SRCAP: variants seen among roughly 807,000 people sequenced by gnomAD.
The protein encoded by SRCAP is chromatin remodeling protein SRCAP.
Under a neutral mutation model 263.1 loss-of-function variants are expected in SRCAP, and 46 were observed. That is an observed-to-expected ratio of 0.17 (90% CI 0.14 to 0.22). The LOEUF is 0.22. SRCAP is among the 10% of genes least tolerant of loss of function. SRCAP has a pLI of 1.00. For missense variants in SRCAP, 3,695 were observed against 4,181.9 expected (o/e 0.88, Z 3.21); for synonymous variants, 1,813 against 1,662.1 (o/e 1.09, Z -2.21).
At position 30,722,631 on chromosome 16, in the gene SRCAP, C is replaced by T. The variant is rs763083399; in HGVS notation, c.3775C>T (p.Leu1259Phe). The T allele has an allele frequency of 6.2e-6, 10 of 1,613,998 alleles. No homozygotes were observed. The highest frequency in any genetic ancestry group is 7.6e-6 in the Non-Finnish European group (9 of 1,180,030). Residue 1259 changes from leucine (L) to phenylalanine (F), a missense_variant, in exon 23 of 34, where the codon CTC (leucine) becomes TTC (phenylalanine). This residue lies in a region of SRCAP where 1,347 missense variants were observed against 1,304.4 expected (regional missense o/e 1.03). Transcript: ENST00000262518. ...HLISQPAHVA[L>F]IQAVAPTPGP... Reference sequence around the variant, plus strand: ...CATCAGCCAGCCTGCCCATGTGGCCCTCATCCAGGCCGTGGCCCCGACCCC... The same window carrying T: ...CATCAGCCAGCCTGCCCATGTGGCCTTCATCCAGGCCGTGGCCCCGACCCC...
intron 4 of SRCAP, among the ~76,000 whole-genome samples, chr16:30,705,329 C>T (rs898161810): frequency 6.6e-6 from 1 of 152,172 alleles, no homozygotes; most frequent in Non-Finnish European, 1.5e-5. Context: ...GTACCTCTCA[C>T]CCACCGACCC....
chr16:30,734,100 T>A, intron 30 of SRCAP, 92 bp downstream of exon 30: 5 of 1,192,018 alleles, frequency 4.2e-6, no homozygotes, highest in Non-Finnish European at 5.9e-6. Context: ...CTTTGGACTT[T>A]GGGAGGCTGA....
chr16:30,724,205 A>G lies in SRCAP; in HGVS notation c.4781A>G (p.Gln1594Arg). ...CCTCTGGCTCCTATGGCGGCTCCAC[A>G]GACAGCAATTCTGGCTCCTTCTCCA... Reference protein sequence around the residue: ...ATPLAPMAAPQTAILAPSPAP... With the variant: ...ATPLAPMAAPRTAILAPSPAP... The change falls in exon 25 of 34, where the codon CAG becomes CGG. Residue 1594 changes from glutamine (Q) to arginine (R), a missense_variant. By Grantham distance (43) the Gln-to-Arg change is conservative (BLOSUM62 1). This residue lies in a region of SRCAP where 1,347 missense variants were observed against 1,304.4 expected (regional missense o/e 1.03). Transcript: ENST00000262518. The G allele has an allele frequency of 6.2e-7, 1 of 1,613,704 alleles. No individual in the cohort carries two copies. Among genetic ancestry groups the G allele is most frequent in the Non-Finnish European group, 8.5e-7 (1 of 1,179,894 alleles).
chr16:30,710,073 A>G lies in SRCAP; in HGVS notation c.1079A>G (p.Asp360Gly). ...PSQTPSSHDS[D>G]TRDGPEEGAE... ...CAAACCCCCTCATCTCATGATAGTGACACCCGAGATGGGCCTGAAGAAGGT... is the reference window on the plus strand; with the variant it reads ...CAAACCCCCTCATCTCATGATAGTGGCACCCGAGATGGGCCTGAAGAAGGT... Residue 360 changes from aspartate to glycine, a missense_variant, in exon 8 of 34, where the codon GAC (aspartate) becomes GGC (glycine). This residue lies in a region of SRCAP where 288 missense variants were observed against 302.4 expected (regional missense o/e 0.95). Coordinates refer to ENST00000262518, the MANE Select transcript of SRCAP (RefSeq NM_006662.3). The G allele has an allele frequency of 6.2e-7, 1 of 1,613,998 alleles. No homozygotes were observed. Among genetic ancestry groups the G allele is most frequent in the Non-Finnish European group, 8.5e-7 (1 of 1,180,012 alleles).
At position 30,724,770 on chromosome 16, in the gene SRCAP, A is replaced by G. The variant is rs759181424; in HGVS notation, c.5346A>G (p.Pro1782=). ...PASSSASLLA[P]ASVQTLTLSP... ...CGTCATCTGCTTCACTCCTGGCCCC[A>G]GCTTCAGTGCAGACACTGACCTTGA... Residue 1782 remains proline, a synonymous_variant, in exon 25 of 34, where the codon CCA becomes CCG. Transcript: ENST00000262518. 6.2e-7 allele frequency: 1 copy of G among 1,613,650 alleles called. No homozygotes were observed. The highest frequency in any genetic ancestry group is 8.5e-7 in the Non-Finnish European group (1 of 1,179,798).
chr16:30,707,086 A>C, intron 4 of SRCAP, 97 bp from the exon 5 acceptor site: 1 of 1,255,614 alleles, frequency 8.0e-7, no homozygotes, highest in East Asian at 2.4e-5. Context: ...ACATAAGCAT[A>C]ACACACTCAG....
rs777915633 is a variant in SRCAP, at chr16:30,724,064, C to T, written c.4640C>T (p.Pro1547Leu). 1.9e-6 allele frequency: 3 copies of T among 1,613,746 alleles called. No individual in the cohort carries two copies. In the South Asian group the frequency reaches 3.3e-5, roughly 18 times the overall value. The part of the protein sequence containing the change: ...LNSTVAPACS[P>L]VLVPASALAS... ...TCAACCGTGGCCCCAGCATGCTCAC[C>T]TGTCCTGGTGCCAGCTTCGGCTCTG... Residue 1547 changes from proline to leucine, a missense_variant, in exon 25 of 34, where the codon CCT (proline) becomes CTT (leucine). By Grantham distance (98) the Pro-to-Leu change is moderately conservative. This residue lies in a region of SRCAP where 1,347 missense variants were observed against 1,304.4 expected (regional missense o/e 1.03). Transcript: ENST00000262518.
intron 16 of SRCAP, among the ~76,000 whole-genome samples, chr16:30,713,931 T>G (rs2052917970): frequency 6.7e-6 from 1 of 150,188 alleles, no homozygotes; most frequent in African/African-American, 2.4e-5. Context: ...TGAGTCTTGC[T>G]TTGTCGCCCA....
chr16:30,699,343 C>T, intron 1 of SRCAP, 101 bp downstream of exon 1: 1 of 396,598 alleles, frequency 2.5e-6, no homozygotes, highest in Non-Finnish European at 4.4e-6. Context: ...CATTTCCGGG[C>T]CTCCTGCGGG....
intron 3 of SRCAP, among the ~76,000 whole-genome samples, chr16:30,702,034 A>G (rs2052772574): frequency 6.6e-6 from 1 of 150,688 alleles, no homozygotes; most frequent in African/African-American, 2.4e-5. Context: ...GCTCACTGCA[A>G]CCTCCGCCTC....
rs146844239 is a variant in SRCAP, at chr16:30,738,266, A to G, written c.8226A>G (p.Pro2742=). 95 of 1,609,976 alleles carry G rather than the reference A, an allele frequency of 5.9e-5. No individual in the cohort carries two copies. Among genetic ancestry groups the G allele is most frequent in the African/African-American group, 5.2e-4 (39 of 74,820 alleles). Residue 2742 remains proline (P), a synonymous_variant, in exon 34 of 34, where the codon CCA becomes CCG. Transcript: ENST00000262518. ...GQGTGRPGQP[P]GPKVLRKLPG... Reference sequence around the variant, plus strand: ...GGACTGGTCGGCCAGGACAACCACCAGGCCCCAAAGTGCTTCGAAAGCTGC... The same window carrying G: ...GGACTGGTCGGCCAGGACAACCACCGGGCCCCAAAGTGCTTCGAAAGCTGC...
rs761154109 is a variant in SRCAP, at chr16:30,710,981, C to G, written c.1229-18C>G. On this transcript the variant is annotated intron_variant, in intron 9 of 33. Transcript: ENST00000262518. ...CTAGCCTCTATCCCTATTAATCTTG[C>G]TTCTGTCTCTTTCCTAGCGGAGGAT... 1.9e-6 allele frequency: 3 copies of G among 1,610,984 alleles called. No homozygotes were observed. The South Asian group carries it at 3.3e-5, about 18-fold the overall frequency.
Position 30,740,061 on chromosome 16 carries a change from A to C in SRCAP, c.*328A>C. On this transcript the variant is annotated 3_prime_UTR_variant, in exon 34 of 34. Coordinates refer to ENST00000262518, the MANE Select transcript of SRCAP (RefSeq NM_006662.3). ...GGGGAAGGGGGAGGGGCTTCTCTAC[A>C]ATGAGGTTTTTTTCTTTTTTTTTTT... The C allele has an allele frequency of 4.4e-6, 1 of 227,162 alleles. No individual in the cohort carries two copies. Among genetic ancestry groups the C allele is most frequent in the Non-Finnish European group, 8.3e-6 (1 of 120,064 alleles). 14.1% of individuals were successfully genotyped at this position (227,162 alleles called of 1,614,324 possible).
intron 27 of SRCAP, among the ~76,000 whole-genome samples, chr16:30,730,885 G>A (rs991102758): frequency 6.6e-6 from 1 of 152,052 alleles, no homozygotes; most frequent in Admixed American, 6.6e-5. Flanking sequence ...GGCCAGGCTG[G>A]TCTCGAACTC....
At position 30,737,415 on chromosome 16, in the gene SRCAP, C is replaced by G. The variant is rs763910742; in HGVS notation, c.7375C>G (p.Pro2459Ala). 1 of 1,606,278 alleles carries G rather than the reference C, an allele frequency of 6.2e-7. No individual in the cohort carries two copies. The highest frequency in any genetic ancestry group is 8.5e-7 in the Non-Finnish European group (1 of 1,176,460). The change falls in exon 34 of 34, where the codon CCT becomes GCT. Residue 2459 changes from proline (P) to alanine (A), a missense_variant. Pro to Ala is a conservative substitution (Grantham distance 27). This residue lies in a region of SRCAP where 1,207 missense variants were observed against 1,142.9 expected (regional missense o/e 1.06). Transcript: ENST00000262518. ...SAPAAIPALV[P>A]VPVSAPVPIS... ...TCCGGCTGCAATTCCTGCCCTTGTT[C>G]CTGTCCCAGTTTCTGCCCCAGTACC...
intron 23 of SRCAP, 47 bp downstream of exon 23, chr16:30,722,795 T>C: frequency 6.3e-7 from 1 of 1,576,562 alleles, no homozygotes; most frequent in Non-Finnish European, 8.6e-7. Context: ...CCTTGGTCCT[T>C]CCAGGCATGC....
At chr16:30,725,998 C>T (rs777474937) in intron 25 of SRCAP, 25 of 152,098 alleles carry the variant, frequency 1.6e-4, no homozygotes, top group Non-Finnish European at 3.1e-4. Flanking sequence ...TAGAACCTTT[C>T]CGTGGCCCCA....
At position 30,712,019 on chromosome 16, in the gene SRCAP, A is replaced by G; in HGVS notation, c.1677A>G (p.Glu559=). The change falls in exon 12 of 34, where the codon GAA becomes GAG. Residue 559 remains glutamate (E), a synonymous_variant. Transcript: ENST00000262518. ...FGVEYLLARD[E]EQSEADAGSG... is the part of the protein sequence containing the mutation. Reference sequence around the variant, plus strand: ...TGGAGTACTTGCTTGCCAGGGATGAAGAGCAGAGTGAGGCAGATGCAGGCA... The same window carrying G: ...TGGAGTACTTGCTTGCCAGGGATGAGGAGCAGAGTGAGGCAGATGCAGGCA... 17 of 1,614,052 alleles carry G rather than the reference A, an allele frequency of 1.1e-5. No individual in the cohort carries two copies. Among genetic ancestry groups the G allele is most frequent in the Non-Finnish European group, 1.4e-5 (16 of 1,180,030 alleles).
At chr16:30,731,727 G>A (rs2053116488) in intron 27 of SRCAP, among the ~76,000 whole-genome samples, 2 of 151,368 alleles carry the variant, frequency 1.3e-5, no homozygotes. Flanking sequence ...GGATATAGTG[G>A]TGCACACCTA....
Sources: allele counts gnomAD v4.1 joint callset (sites outside exome capture counted in the v4.1 genomes callset), GRCh38; gene constraint gnomAD v4.1.1; regional missense constraint gnomAD v4.1.1; transcripts MANE v1.5; gene names NCBI Gene and HGNC (gene_info 2026-07-23, HGNC 2026-07-21).